The following EP400 variants were observed in gnomAD, a reference collection of about 807,000 sequenced individuals.
EP400 encodes the protein E1A binding protein p400, also known as E1A-binding protein p400.
A neutral mutation model predicts 354.1 loss-of-function variants in EP400; 105 were observed. The observed-to-expected ratio is 0.30, with a 90% CI of 0.25 to 0.35. The LOEUF (loss-of-function observed/expected upper bound fraction) is 0.35, where lower values mean the gene tolerates loss of function less well. Among genes scored for constraint, EP400 ranks in the 10% least tolerant of loss-of-function variants. EP400 has a pLI of 1.00. For synonymous variants in EP400, 1,646 were observed against 1,716.9 expected (o/e 0.96, Z 1.02); for missense variants, 3,280 against 4,121.0 (o/e 0.80, Z 5.59).
intron 23 of EP400, among the ~76,000 whole-genome samples, chr12:132,023,405 C>T (rs1013200326): frequency 2.0e-5 from 3 of 150,880 alleles, no homozygotes; most frequent in African/African-American, 7.3e-5. Flanking sequence ...ATCCACCCAC[C>T]TCAGCCTCCC....
intron 1 of EP400, among the ~76,000 whole-genome samples, chr12:131,953,647 A>C (rs918548607): frequency 6.6e-6 from 1 of 152,238 alleles, no homozygotes; most frequent in African/African-American, 2.4e-5. Flanking sequence ...CTAGTATGGT[A>C]CTTCTGTAAT....
intron 16 of EP400, among the ~76,000 whole-genome samples, chr12:132,012,153 G>A (rs1386322422): frequency 1.3e-5 from 2 of 152,206 alleles, no homozygotes; most frequent in South Asian, 2.1e-4. Context: ...TGAGTAGAAC[G>A]TTTTGGACCA....
chr12:132,065,258 G>A (rs113714787), intron 48 of EP400: 119 of 272,816 alleles, frequency 4.4e-4, no homozygotes, highest in African/African-American at 2.3e-3. Flanking sequence ...GCATGGGCAG[G>A]TGGCGGTCTC....
rs900613635 is a variant in EP400 at position 132,027,191 on chromosome 12, C to T, written c.5015-246C>T. On this transcript the variant is annotated intron_variant, in intron 25 of 52. Coordinates refer to ENST00000389561, the MANE Select transcript of EP400 (RefSeq NM_015409.5). The surrounding 1 kb of genome is among the most constrained non-coding windows in gnomAD (Gnocchi z 4.9). ...AAAGAAAGGGATAAGCTGCTGGCTC[C>T]ATTCAGCTCCAGTCATGGCCTGCGA... 2.0e-5 allele frequency among the ~76,000 whole-genome samples: 3 copies of T among 152,202 alleles called. No individual in the cohort carries two copies. Among genetic ancestry groups the T allele is most frequent in the African/African-American group, 7.2e-5 (3 of 41,436 alleles).
chr12:131,954,846 G>C (rs1172576146), intron 1 of EP400, among the ~76,000 whole-genome samples: 1 of 151,776 alleles, frequency 6.6e-6, no homozygotes, highest in Non-Finnish European at 1.5e-5. Flanking sequence ...TAGGCAACAT[G>C]GTGAAACCTC....
chr12:132,059,315 CCT>C (rs1201607268), intron 45 of EP400, among the ~76,000 whole-genome samples: 1 of 152,070 alleles, frequency 6.6e-6, no homozygotes, highest in Admixed American at 6.5e-5. Flanking sequence ...CTGCCCTTGG[CCT>C]TCAGGGGTCA....
rs1052433597 is a variant in EP400, at chr12:132,078,969, A to G, written c.*1296A>G. The G allele has an allele frequency of 6.6e-6, 1 of 152,254 alleles. No homozygotes were observed. The highest frequency in any genetic ancestry group is 2.4e-5 in the African/African-American group (1 of 41,466). 9.4% of individuals were successfully genotyped at this position (152,254 alleles called of 1,614,324 possible). ...CACCAAAGCAAAAAGGTCCATATCC[A>G]ATAGTATCCTTTGTGCTGTGGCTTG... On this transcript the variant is annotated 3_prime_UTR_variant, in exon 53 of 53. Coordinates refer to ENST00000389561, the MANE Select transcript of EP400 (RefSeq NM_015409.5).
Position 131,974,124 on chromosome 12 carries a change from G to A in EP400, c.1336-5570G>A, listed in dbSNP as rs959826079. Among the ~76,000 whole-genome samples the A allele has an allele frequency of 6.6e-5, 10 of 151,814 alleles. No individual in the cohort carries two copies. In the South Asian group the frequency reaches 1.2e-3, roughly 19 times the overall value. On this transcript the variant is annotated intron_variant, in intron 2 of 52. Transcript: ENST00000389561. ...CTCCCGAGTAGCTGGGACTACAGGC[G>A]TGTGCCACCATGCCCAGCTAATTTT...
intron 51 of EP400, among the ~76,000 whole-genome samples, chr12:132,072,899 A>G (rs530646265): frequency 6.6e-6 from 1 of 152,198 alleles, no homozygotes; most frequent in Non-Finnish European, 1.5e-5. Flanking sequence ...GTCTTCAGTA[A>G]TATCTCTGGT....
intron 52 of EP400, among the ~76,000 whole-genome samples, 194 bp from the exon 53 acceptor site, chr12:132,077,207 C>G (rs1454656452): frequency 6.6e-6 from 1 of 152,212 alleles, no homozygotes. Flanking sequence ...CTAAAAGCAA[C>G]CATCTTTTAA....
At position 132,027,523 on chromosome 12, in the gene EP400, C is replaced by A. The variant is rs1440007967; in HGVS notation, c.5101C>A (p.Pro1701Thr). The change falls in exon 26 of 53, where the codon CCG becomes ACG. Residue 1701 changes from proline to threonine, a missense_variant. This residue lies in a region of EP400 where 459 missense variants were observed against 496.9 expected (regional missense o/e 0.92). Transcript: ENST00000389561. The surrounding 1 kb of genome is among the most constrained non-coding windows in gnomAD (Gnocchi z 4.9). ...CAAACCAGCTTCTCCCATTGGAGGG[C>A]CGACCCAGGTAAGCACCTGAGCTTG... ...ASKPASPIGG[P>T]TQEEKTRLLK... 1 of 1,611,524 alleles carries A rather than the reference C, an allele frequency of 6.2e-7. No individual in the cohort carries two copies. The highest frequency in any genetic ancestry group is 1.3e-5 in the African/African-American group (1 of 74,910).
chr12:132,042,878 T>G (rs1270010280), intron 32 of EP400, among the ~76,000 whole-genome samples: 1 of 152,244 alleles, frequency 6.6e-6, no homozygotes, highest in Non-Finnish European at 1.5e-5. Context: ...GGGCTGTCCG[T>G]CTGCTGTCTG....
At chr12:131,987,588 C>G in intron 6 of EP400, 117 bp from the exon 7 acceptor site, 1 of 832,448 alleles carries the variant, frequency 1.2e-6, no homozygotes. Flanking sequence ...TGCTTTCTCT[C>G]TTTCTTAGTG....
chr12:132,066,168 C>G (rs1321223846), intron 48 of EP400: 1 of 152,150 alleles, frequency 6.6e-6, no homozygotes, highest in Non-Finnish European at 1.5e-5. Flanking sequence ...TGCACACTTT[C>G]ACGGTGAGCC....
Position 132,045,815 on chromosome 12 carries a change from T to C in EP400, c.7115T>C (p.Val2372Ala). 1 of 1,614,238 alleles carries C rather than the reference T, an allele frequency of 6.2e-7. No individual in the cohort carries two copies. Among genetic ancestry groups the C allele is most frequent in the Non-Finnish European group, 8.5e-7 (1 of 1,180,050 alleles). ...TPNWDLVSDV[V>A]NSCSRIYRSS... ...AATTGGGATCTTGTCAGTGACGTTGTTAACTCCTGTAGCCGAATCTACCGC... is the reference window on the plus strand; with the variant it reads ...AATTGGGATCTTGTCAGTGACGTTGCTAACTCCTGTAGCCGAATCTACCGC... Residue 2372 changes from valine to alanine, a missense_variant, in exon 39 of 53, where the codon GTT becomes GCT. By Grantham distance (64) the Val-to-Ala change is moderately conservative. Around this residue, in one of 20 missense-constraint regions of EP400, gnomAD observed 84 missense variants for 133.0 expected, o/e 0.63. Coordinates refer to ENST00000389561, the MANE Select transcript of EP400 (RefSeq NM_015409.5).
chr12:132,001,865 A>G (rs999793848), intron 12 of EP400, among the ~76,000 whole-genome samples: 7 of 152,246 alleles, frequency 4.6e-5, no homozygotes, highest in African/African-American at 7.2e-5. Context: ...ATTGGAATAA[A>G]GAGTAATTGC....
At chr12:131,975,481 C>T (rs575213095) in intron 2 of EP400, among the ~76,000 whole-genome samples, 2 of 152,184 alleles carry the variant, frequency 1.3e-5, no homozygotes, top group East Asian at 1.9e-4. Context: ...AGTCTTGGGG[C>T]GTGTCTTGAA....
intron 37 of EP400, 126 bp downstream of exon 37, chr12:132,045,079 C>T (rs763565141): frequency 1.3e-5 from 18 of 1,408,364 alleles, no homozygotes; most frequent in East Asian, 9.8e-5. Context: ...AGCGATCACA[C>T]GCCCATCCGC....
At position 132,017,416 on chromosome 12, in the gene EP400, G is replaced by A. The variant is rs901261419; in HGVS notation, c.3924-119G>A. 26 of 1,047,320 alleles carry A rather than the reference G, an allele frequency of 2.5e-5. No individual in the cohort carries two copies. The highest frequency in any genetic ancestry group is 1.6e-4 in the Admixed American group (7 of 43,046). 64.9% of individuals were successfully genotyped at this position (1,047,320 alleles called of 1,614,324 possible). On this transcript the variant is annotated intron_variant, in intron 19 of 52. Transcript: ENST00000389561. The surrounding 1 kb of genome is among the most constrained non-coding windows in gnomAD (Gnocchi z 5.0). ...GGCCACTCTGTCTAACTCATTAAGC[G>A]GACCTAGAAAATCTGCTCCTGCCTG...
Sources: gnomAD v4.1 joint callset for allele counts (sites outside exome capture counted in the v4.1 genomes callset) on GRCh38, gnomAD v4.1.1 for gene constraint, gnomAD v4.1.1 regional missense constraint, Gnocchi (gnomAD v3.1) non-coding constraint, MANE v1.5 for transcripts, NCBI Gene and HGNC (gene_info 2026-07-23, HGNC 2026-07-21) for gene names.